MTFMT: variants seen among roughly 807,000 people sequenced by gnomAD.
The protein encoded by MTFMT is methionyl-tRNA formyltransferase, mitochondrial.
Under a neutral mutation model 51.8 loss-of-function variants are expected in MTFMT, and 47 were observed. The ratio of observed to expected loss-of-function variants is 0.91; its 90% CI spans 0.72 to 1.16. MTFMT has a LOEUF of 1.16. Among genes scored for constraint, MTFMT ranks in the 50% most tolerant of loss-of-function variants. The pLI is 0.00. For synonymous variants in MTFMT, 196 were observed against 176.7 expected (o/e 1.11, Z -0.87); for missense variants, 512 against 482.3 (o/e 1.06, Z -0.58).
At chr15:65,026,317 T>C in intron 2 of MTFMT, 1 of 198,962 alleles carries the variant, frequency 5.0e-6, no homozygotes, top group Non-Finnish European at 1.1e-5. Context: ...CAGTGATCCC[T>C]TTTCTTACAA....
intron 6 of MTFMT, among the ~76,000 whole-genome samples, chr15:65,010,876 T>G (rs975782101): frequency 2.6e-5 from 4 of 152,216 alleles, no homozygotes; most frequent in African/African-American, 4.8e-5. Flanking sequence ...TTGCCAACAC[T>G]AGTTTTTGTC....
chr15:65,022,785 C>A (rs2086385373), intron 3 of MTFMT, among the ~76,000 whole-genome samples: 1 of 151,480 alleles, frequency 6.6e-6, no homozygotes, highest in African/African-American at 2.4e-5. Context: ...TGCCTCACTG[C>A]CGCCTCAACC....
chr15:65,014,819 A>C (rs1475953950), intron 6 of MTFMT, among the ~76,000 whole-genome samples: 1 of 149,436 alleles, frequency 6.7e-6, no homozygotes, highest in African/African-American at 2.5e-5. Context: ...TTTAGTAGAG[A>C]CAGGGTTTCA....
intron 6 of MTFMT, among the ~76,000 whole-genome samples, chr15:65,010,750 C>A (rs776445385): frequency 3.3e-5 from 5 of 152,208 alleles, no homozygotes; most frequent in Non-Finnish European, 4.4e-5. Flanking sequence ...TCATAAGATA[C>A]TTCTGTGTTT....
rs991786040 is a variant in MTFMT at position 65,029,610 on chromosome 15, T to C, written c.4A>G (p.Arg2Gly). 6.7e-6 allele frequency: 9 copies of C among 1,348,032 alleles called. No homozygotes were observed. The highest frequency in any genetic ancestry group is 3.2e-5 in the Admixed American group (1 of 30,796). 83.5% of individuals were successfully genotyped at this position (1,348,032 alleles called of 1,614,324 possible). ...CCCCAACAGCGCCGCACCAACACCC[T>C]CATCGCCTCGGCCGCCGGCGGCCGG... M[R>G]VLVRRCWGPP... Residue 2 changes from arginine (R) to glycine (G), a missense_variant, in exon 1 of 9, where the codon AGG becomes GGG. Transcript: ENST00000220058.
chr15:65,014,963 T>G (rs2086305984), intron 6 of MTFMT, among the ~76,000 whole-genome samples: 1 of 151,456 alleles, frequency 6.6e-6, no homozygotes, highest in Non-Finnish European at 1.5e-5. Flanking sequence ...GCTTACTTGT[T>G]GTCTGTCCTC....
intron 6 of MTFMT, among the ~76,000 whole-genome samples, chr15:65,012,991 G>A (rs2086283311): frequency 6.6e-6 from 1 of 152,050 alleles, no homozygotes; most frequent in African/African-American, 2.4e-5. Context: ...ATGAATACTG[G>A]GGTCTTTCCA....
intron 6 of MTFMT, among the ~76,000 whole-genome samples, chr15:65,008,570 C>T (rs1163891608): frequency 2.6e-5 from 4 of 152,214 alleles, no homozygotes; most frequent in African/African-American, 9.6e-5. Context: ...GGACTGGCTT[C>T]TGTTTTCTGA....
chr15:65,002,793 T>C lies in MTFMT; in HGVS notation c.*269A>G, dbSNP rs1465067178. The C allele has an allele frequency of 5.2e-6, 1 of 190,846 alleles. No homozygotes were observed. Among genetic ancestry groups the C allele is most frequent in the Non-Finnish European group, 1.1e-5 (1 of 93,318 alleles). The allele number at this position is 190,846 out of a possible 1,614,324, so 11.8% of individuals were successfully genotyped here. ...GCCTGACCAACATGGTGAAACCCCA[T>C]CTCTACTAAAAATACAAAAATTAGC... On this transcript the variant is annotated 3_prime_UTR_variant, in exon 9 of 9. Transcript: ENST00000220058.
chr15:65,018,341 T>A (rs924795386), intron 5 of MTFMT, among the ~76,000 whole-genome samples: 1 of 152,126 alleles, frequency 6.6e-6, no homozygotes, highest in Admixed American at 6.5e-5. Flanking sequence ...TACTTAGTAT[T>A]TTTACTCTTA....
At chr15:65,028,865 T>C (rs2086452791) in intron 1 of MTFMT, among the ~76,000 whole-genome samples, 1 of 152,206 alleles carries the variant, frequency 6.6e-6, no homozygotes, top group South Asian at 2.1e-4. Flanking sequence ...AAATTTATTC[T>C]TTTGAAAACA....
At chr15:65,024,811 A>G (rs1023012267) in intron 2 of MTFMT, among the ~76,000 whole-genome samples, 1 of 152,236 alleles carries the variant, frequency 6.6e-6, no homozygotes, top group African/African-American at 2.4e-5. Flanking sequence ...AAAATAAAGC[A>G]GAGAGGACTA....
chr15:65,005,227 A>G (rs1230398114), intron 7 of MTFMT, among the ~76,000 whole-genome samples: 1 of 152,202 alleles, frequency 6.6e-6, no homozygotes, highest in African/African-American at 2.4e-5. Context: ...TGGTGAAATA[A>G]CTAGCCAACA....
chr15:65,005,724 T>TAG (rs1290014294), intron 7 of MTFMT, among the ~76,000 whole-genome samples: 1 of 151,386 alleles, frequency 6.6e-6, no homozygotes, highest in East Asian at 1.9e-4. Flanking sequence ...CTCTCCTGCC[T>TAG]CAGCCTCCCA....
At position 65,029,391 on chromosome 15, in the gene MTFMT, C is replaced by G; in HGVS notation, c.209+14G>C. On this transcript the variant is annotated intron_variant, in intron 1 of 8. Coordinates refer to ENST00000220058, the MANE Select transcript of MTFMT (RefSeq NM_139242.4). The stretch of plus-strand genomic sequence containing the variant: ...CCTTCAGCGGCCGGGTCCCCGGATC[C>G]CTGGCCCGGGTACCTGGCGGCGTGC... 1 of 1,472,420 alleles carries G rather than the reference C, an allele frequency of 6.8e-7. No individual in the cohort carries two copies. Among genetic ancestry groups the G allele is most frequent in the Non-Finnish European group, 9.0e-7 (1 of 1,111,980 alleles). 91.2% of individuals were successfully genotyped at this position (1,472,420 alleles called of 1,614,324 possible). A position where few individuals can be genotyped will look rare whatever the true frequency, so the allele number is the denominator to read the frequency against.
Position 65,003,020 on chromosome 15 carries a change from A to C in MTFMT, c.*42T>G, listed in dbSNP as rs1159362504. On this transcript the variant is annotated 3_prime_UTR_variant, in exon 9 of 9. Coordinates refer to ENST00000220058, the MANE Select transcript of MTFMT (RefSeq NM_139242.4). ...TTCCTTGTAAATAAGGTTTTTAATA[A>C]ATTACAAATATGTAATAGGTTTTTA... 7.9e-7 allele frequency: 1 copy of C among 1,262,092 alleles called. No individual in the cohort carries two copies. Among genetic ancestry groups the C allele is most frequent in the Non-Finnish European group, 1.1e-6 (1 of 944,406 alleles). The allele number at this position is 1,262,092 out of a possible 1,614,324, so 78.2% of individuals were successfully genotyped here. A position where few individuals can be genotyped will look rare whatever the true frequency, so the allele number is the denominator to read the frequency against.
chr15:65,016,910 A>C (rs1273815642), intron 5 of MTFMT, among the ~76,000 whole-genome samples: 1 of 151,604 alleles, frequency 6.6e-6, no homozygotes, highest in African/African-American at 2.4e-5. Flanking sequence ...CCTCCCGAGT[A>C]GCTGGGACTA....
chr15:65,021,743 G>A (rs2086375637), intron 3 of MTFMT, 127 bp from the exon 4 acceptor site: 3 of 596,340 alleles, frequency 5.0e-6, no homozygotes, highest in Non-Finnish European at 8.2e-6. Flanking sequence ...TGCTCAGGAG[G>A]CTGAGGCAGC....
rs2086374944 is a variant in MTFMT at position 65,021,628 on chromosome 15, T to C, written c.543-12A>G. The C allele has an allele frequency of 6.5e-7, 1 of 1,545,826 alleles. No homozygotes were observed. The highest frequency in any genetic ancestry group is 2.3e-5 in the East Asian group (1 of 43,862). On this transcript the variant is annotated splice_polypyrimidine_tract_variant and intron_variant, in intron 3 of 8. Coordinates refer to ENST00000220058, the MANE Select transcript of MTFMT (RefSeq NM_139242.4). ...GGCCTACATCAAACCTAGCAAAAAA[T>C]CAAAAGCAAATAATGACAATGATTA...
Sources: allele counts gnomAD v4.1 joint callset (sites outside exome capture counted in the v4.1 genomes callset), GRCh38; gene constraint gnomAD v4.1.1; transcripts MANE v1.5; gene names NCBI Gene and HGNC (gene_info 2026-07-23, HGNC 2026-07-21).